PTPRD: variants seen among roughly 807,000 people sequenced by gnomAD.
The protein encoded by PTPRD is receptor-type tyrosine-protein phosphatase delta.
A neutral mutation model predicts 214.5 loss-of-function variants in PTPRD; 34 were observed. That is an observed-to-expected ratio of 0.16 (90% CI 0.12 to 0.21). The LOEUF is 0.21. PTPRD is among the 10% of genes least tolerant of loss of function. PTPRD has a pLI of 1.00. For missense variants in PTPRD, 2,545 were observed against 2,398.7 expected, an observed-to-expected ratio of 1.06 and a Z score of -1.27; for synonymous variants, 1,128 against 845.7, an observed-to-expected ratio of 1.33 and a Z score of -5.79.
chr9:9,662,728 G>A (rs972046725), intron 7 of PTPRD, among the ~76,000 whole-genome samples: 8 of 151,528 alleles, frequency 5.3e-5, no homozygotes, highest in African/African-American at 1.9e-4. Flanking sequence ...TCTACTGAAG[G>A]CTTGTCCGTT....
chr9:10,444,966 T>C (rs1192566720), intron 2 of PTPRD, among the ~76,000 whole-genome samples: 1 of 151,680 alleles, frequency 6.6e-6, no homozygotes, highest in East Asian at 1.9e-4. Flanking sequence ...ACACAGAAAA[T>C]ACAAATGTTG....
intron 9 of PTPRD, among the ~76,000 whole-genome samples, chr9:9,211,718 G>C (rs911427376): frequency 6.6e-6 from 1 of 151,810 alleles, no homozygotes; most frequent in Non-Finnish European, 1.5e-5. Flanking sequence ...TCAAATTTTT[G>C]GTATTGACTT....
chr9:9,235,468 T>A (rs2099966016), intron 9 of PTPRD, among the ~76,000 whole-genome samples: 1 of 152,120 alleles, frequency 6.6e-6, no homozygotes, highest in Non-Finnish European at 1.5e-5. Flanking sequence ...GTGGACAGTT[T>A]TTCTTTGTGT....
At chr9:8,945,677 T>C (rs1040553669) in intron 11 of PTPRD, among the ~76,000 whole-genome samples, 12 of 152,138 alleles carry the variant, frequency 7.9e-5, no homozygotes, top group Admixed American at 7.9e-4. Context: ...TTTCCTGTTT[T>C]ATCATTGATT....
intron 11 of PTPRD, among the ~76,000 whole-genome samples, chr9:8,917,012 T>C (rs755209626): frequency 5.9e-5 from 9 of 151,578 alleles, no homozygotes; most frequent in African/African-American, 1.9e-4. Context: ...TAAATGCCTC[T>C]CTTTTCTCTC....
intron 11 of PTPRD, among the ~76,000 whole-genome samples, chr9:8,817,636 TA>T: frequency 6.6e-6 from 1 of 151,852 alleles, no homozygotes; most frequent in Non-Finnish European, 1.5e-5. Flanking sequence ...GTCTCTAAAG[TA>T]AAATAAAATA....
intron 3 of PTPRD, among the ~76,000 whole-genome samples, chr9:10,328,883 T>C (rs1412278976): frequency 6.6e-6 from 1 of 151,818 alleles, no homozygotes; most frequent in Non-Finnish European, 1.5e-5. Flanking sequence ...GATCTCTGAC[T>C]AGCCCAGTTC....
At chr9:10,596,123 G>A (rs1207922697) in intron 2 of PTPRD, among the ~76,000 whole-genome samples, 1 of 151,716 alleles carries the variant, frequency 6.6e-6, no homozygotes, top group African/African-American at 2.4e-5. Flanking sequence ...TTAGATAATA[G>A]GATGTCTGTT....
intron 11 of PTPRD, among the ~76,000 whole-genome samples, chr9:8,814,265 A>G (rs900602309): frequency 6.6e-6 from 1 of 152,192 alleles, no homozygotes; most frequent in Non-Finnish European, 1.5e-5. Context: ...CATCTTCTGC[A>G]TATATGGTAA....
At position 8,786,982 on chromosome 9, in the gene PTPRD, G is replaced by A. The variant is rs143671600; in HGVS notation, c.-103-53036C>T. Among the ~76,000 whole-genome samples the A allele has an allele frequency of 1.5e-3, 227 of 152,022 alleles. 4 individuals are homozygous for A. The East Asian group carries it at 0.041, about 27-fold the overall frequency. ...TGTAGTGGCAGCTGGGACTACAGGT[G>A]CGCACCACCACGCCCAGCTAATATT... On this transcript the variant is annotated intron_variant, in intron 11 of 45. Coordinates refer to ENST00000381196, the MANE Select transcript of PTPRD (RefSeq NM_002839.4).
intron 10 of PTPRD, among the ~76,000 whole-genome samples, chr9:9,092,837 T>C (rs2099778195): frequency 6.6e-6 from 1 of 152,012 alleles, no homozygotes; most frequent in South Asian, 2.1e-4. Flanking sequence ...ACCATACCAA[T>C]AATTTCATCA....
intron 6 of PTPRD, among the ~76,000 whole-genome samples, chr9:9,737,179 G>C (rs767533570): frequency 7.9e-5 from 12 of 152,070 alleles, no homozygotes; most frequent in Non-Finnish European, 1.3e-4. Context: ...TACAATATTA[G>C]TCATGAATTC....
chr9:10,524,939 A>G (rs1397306471), intron 2 of PTPRD, among the ~76,000 whole-genome samples: 1 of 152,030 alleles, frequency 6.6e-6, no homozygotes, highest in African/African-American at 2.4e-5. Context: ...AAAAAAGCAA[A>G]ATAAGTGTAA....
chr9:9,882,449 C>CT (rs2069076375), intron 5 of PTPRD, among the ~76,000 whole-genome samples: 2 of 152,060 alleles, frequency 1.3e-5, no homozygotes, highest in Non-Finnish European at 2.9e-5. Context: ...AGTAGTCCCA[C>CT]CATTCTAGGC....
At chr9:9,835,760 C>A (rs1449492881) in intron 5 of PTPRD, among the ~76,000 whole-genome samples, 1 of 152,050 alleles carries the variant, frequency 6.6e-6, no homozygotes, top group African/African-American at 2.4e-5. Flanking sequence ...CATCATAACA[C>A]AGGAGTGGAA....
rs143717979 is a variant in PTPRD, at chr9:10,606,866, C to T, written c.-600+5532G>A. Among the ~76,000 whole-genome samples, 487 of 152,042 alleles carry T rather than the reference C, an allele frequency of 3.2e-3. 5 individuals carry two copies. Among genetic ancestry groups the T allele is most frequent in the African/African-American group, 0.011 (468 of 41,538 alleles). ...GACAGTTTGTAAAATCTATAATTCA[C>T]AGAAGTTCTAATATGATGAATGCAT... On this transcript the variant is annotated intron_variant, in intron 2 of 45. Transcript: ENST00000381196.
chr9:8,912,718 T>TA (rs1351389525), intron 11 of PTPRD, among the ~76,000 whole-genome samples: 2 of 152,182 alleles, frequency 1.3e-5, no homozygotes, highest in African/African-American at 4.8e-5. Flanking sequence ...TATAATTTTT[T>TA]AAAAAATATA....
Position 9,423,513 on chromosome 9 carries a change from A to G in PTPRD, c.-236-26031T>C, listed in dbSNP as rs574570610. Among the ~76,000 whole-genome samples the G allele has an allele frequency of 4.6e-5, 7 of 152,314 alleles. 1 individual carries two copies. On this transcript the variant is annotated intron_variant, in intron 8 of 45. Coordinates refer to ENST00000381196, the MANE Select transcript of PTPRD (RefSeq NM_002839.4). ...TTTGTATGACAACCTAGGGTAGAGAATTAAATGCAATATCACCAGGCATAC... is the reference window on the plus strand; with the variant it reads ...TTTGTATGACAACCTAGGGTAGAGAGTTAAATGCAATATCACCAGGCATAC...
At chr9:9,760,642 ACACACAC>A (rs2154475231) in intron 6 of PTPRD, among the ~76,000 whole-genome samples, 1 of 142,658 alleles carries the variant, frequency 7.0e-6, no homozygotes, top group South Asian at 2.3e-4. Flanking sequence ...ACACACACAC[ACACACAC>A]ACACATATAT....
Sources: gnomAD v4.1 joint callset for allele counts (sites outside exome capture counted in the v4.1 genomes callset) on GRCh38, gnomAD v4.1.1 for gene constraint, MANE v1.5 for transcripts, NCBI Gene and HGNC (gene_info 2026-07-23, HGNC 2026-07-21) for gene names.